The following ATF2 variants were observed in gnomAD, a reference collection of about 807,000 sequenced individuals.
ATF2 encodes the protein cyclic AMP-dependent transcription factor ATF-2.
Under a neutral mutation model 60.6 loss-of-function variants are expected in ATF2, and 24 were observed. The observed-to-expected ratio is 0.40, with a 90% confidence interval of 0.29 to 0.56. The LOEUF (loss-of-function observed/expected upper bound fraction) is 0.56, where lower values mean the gene tolerates loss of function less well. ATF2 is among the 20% of genes least tolerant of loss of function. The probability of loss-of-function intolerance (pLI) is 0.54; values close to 1 mark genes in which losing one functional copy is unlikely to be tolerated. For synonymous variants in ATF2, 206 were observed against 215.4 expected, an observed-to-expected ratio of 0.96 and a Z score of 0.38; for missense variants, 433 against 607.7, an observed-to-expected ratio of 0.71 and a Z score of 3.02.
chr2:175,121,618 C>T (rs1333892293), intron 4 of ATF2, 78 bp from the exon 5 acceptor site: 1 of 1,134,766 alleles, frequency 8.8e-7, no homozygotes, highest in Non-Finnish European at 1.3e-6. Flanking sequence ...AATTAATTTC[C>T]ACAACATGTA....
chr2:175,074,650 C>T lies in ATF2; in HGVS notation c.1477G>A (p.Val493Ile), dbSNP rs760104049. 2.5e-6 allele frequency: 4 copies of T among 1,613,066 alleles called. No homozygotes were observed. The highest frequency in any genetic ancestry group is 1.7e-5 in the Admixed American group (1 of 59,826). The part of the protein sequence containing the change: ...QSTEPALSQI[V>I]MAPSSQSQPS... ...TGTGACTGGGAGGAAGGAGCCATAA[C>T]GATCTGTGAAAGAGCAGGCTCTGTA... Residue 493 changes from valine (V) to isoleucine (I), a missense_variant, in exon 14 of 14, where the codon GTT (valine) becomes ATT (isoleucine). By Grantham distance (29) the Val-to-Ile change is conservative. Coordinates refer to ENST00000264110, the MANE Select transcript of ATF2 (RefSeq NM_001880.4).
chr2:175,130,668 T>C (rs1380119062), intron 3 of ATF2, among the ~76,000 whole-genome samples: 1 of 152,158 alleles, frequency 6.6e-6, no homozygotes, highest in Non-Finnish European at 1.5e-5. Context: ...CATCAACATG[T>C]CTAAAAACAA....
At chr2:175,147,838 AT>A (rs1699052478) in intron 2 of ATF2, 1 of 152,238 alleles carries the variant, frequency 6.6e-6, no homozygotes, top group African/African-American at 2.4e-5. Context: ...AAAAGCATTC[AT>A]ATTCCCCTCT....
At chr2:175,140,095 A>G (rs950834184) in intron 2 of ATF2, among the ~76,000 whole-genome samples, 4 of 152,250 alleles carry the variant, frequency 2.6e-5, no homozygotes, top group Non-Finnish European at 5.9e-5. Context: ...CTTTAATTTC[A>G]TAGAGGTAAC....
In ATF2 at chr2:175,111,651, C is replaced by T. The variant is rs762044358; in HGVS notation, c.745G>A (p.Val249Ile). The T allele has an allele frequency of 6.2e-6, 10 of 1,612,844 alleles. No homozygotes were observed. In the South Asian group the frequency reaches 6.6e-5, roughly 11 times the overall value. ...CTAGGCACCATGGTGACTGGTCGAACGAGCTATGCATGACATAAGGAAAAA... is the reference window on the plus strand; with the variant it reads ...CTAGGCACCATGGTGACTGGTCGAATGAGCTATGCATGACATAAGGAAAAA... Reference protein sequence around the residue: ...NVHVPAAVPLVRPVTMVPSVP... With the variant: ...NVHVPAAVPLIRPVTMVPSVP... Residue 249 changes from valine (V) to isoleucine (I), a missense_variant, in exon 10 of 14, where the codon GTT becomes ATT. Val to Ile is a conservative substitution (Grantham distance 29). This residue lies in a region of ATF2 where 246 missense variants were observed against 309.3 expected (regional missense o/e 0.80). Coordinates refer to ENST00000264110, the MANE Select transcript of ATF2 (RefSeq NM_001880.4).
At chr2:175,098,919 C>T (rs1695123819) in intron 10 of ATF2, among the ~76,000 whole-genome samples, 2 of 152,142 alleles carry the variant, frequency 1.3e-5, no homozygotes, top group African/African-American at 4.8e-5. Context: ...ACCGGAATTT[C>T]AACTGAGGCA....
intron 8 of ATF2, 193 bp from the exon 9 acceptor site, chr2:175,114,301 A>C (rs1185778095): frequency 2.3e-6 from 3 of 1,313,540 alleles, no homozygotes; most frequent in East Asian, 3.1e-5. Flanking sequence ...AGTATTGAAA[A>C]GAAGAGAAAA....
intron 12 of ATF2, among the ~76,000 whole-genome samples, chr2:175,084,641 TA>T (rs111833261): frequency 0.024 from 2,211 of 91,518 alleles, 17 homozygotes; most frequent in African/African-American, 0.041. Context: ...ACTTAAAGTA[TA>T]AAAAAAAAAA....
chr2:175,150,372 G>T (rs549351502), intron 2 of ATF2, among the ~76,000 whole-genome samples: 6 of 151,992 alleles, frequency 3.9e-5, no homozygotes, highest in Admixed American at 3.3e-4. Context: ...GATTTTGTAC[G>T]CCAGACTACA....
chr2:175,086,523 A>G (rs1425381270), intron 12 of ATF2, among the ~76,000 whole-genome samples: 3 of 152,174 alleles, frequency 2.0e-5, no homozygotes, highest in Non-Finnish European at 4.4e-5. Flanking sequence ...TTATAACTGA[A>G]TTAGTTAGAA....
intron 4 of ATF2, among the ~76,000 whole-genome samples, chr2:175,127,632 T>C (rs1019894735): frequency 2.0e-5 from 3 of 152,200 alleles, no homozygotes; most frequent in African/African-American, 7.2e-5. Flanking sequence ...GGTCATTATA[T>C]GCTCCAGCCA....
chr2:175,136,265 G>A (rs1423539153), intron 3 of ATF2, 147 bp downstream of exon 3: 3 of 733,706 alleles, frequency 4.1e-6, no homozygotes, highest in Non-Finnish European at 7.2e-6. Context: ...CAAAATAGGA[G>A]TATCAGCTAA....
At chr2:175,154,778 A>T (rs547628983) in intron 1 of ATF2, among the ~76,000 whole-genome samples, 55 of 152,312 alleles carry the variant, frequency 3.6e-4, no homozygotes, top group South Asian at 1.0e-3. Flanking sequence ...CTATATTTGG[A>T]TATCACTAAC....
At chr2:175,164,423 A>T (rs1700220301) in intron 1 of ATF2, among the ~76,000 whole-genome samples, 1 of 152,128 alleles carries the variant, frequency 6.6e-6, no homozygotes. Context: ...AATCCTAGTT[A>T]TTCGGGAGGC....
At chr2:175,091,599 C>T (rs1254239733) in intron 12 of ATF2, among the ~76,000 whole-genome samples, 1 of 152,160 alleles carries the variant, frequency 6.6e-6, no homozygotes, top group East Asian at 1.9e-4. Context: ...CACAGTGGCT[C>T]ACGCCTGTAA....
intron 4 of ATF2, among the ~76,000 whole-genome samples, chr2:175,124,501 T>C (rs1489146945): frequency 6.6e-6 from 1 of 151,986 alleles, no homozygotes; most frequent in African/African-American, 2.4e-5. Flanking sequence ...AGTTAATACA[T>C]ACACTCATAT....
chr2:175,147,688 T>G (rs1381831292), intron 2 of ATF2, among the ~76,000 whole-genome samples: 1 of 152,194 alleles, frequency 6.6e-6, no homozygotes, highest in Admixed American at 6.5e-5. Context: ...ATGGTTTTTA[T>G]GAAAATACAT....
At chr2:175,084,499 TGGGGGGA>T (rs1694007817) in intron 12 of ATF2, among the ~76,000 whole-genome samples, 1 of 38,620 alleles carries the variant, frequency 2.6e-5, no homozygotes, top group Non-Finnish European at 4.5e-5. Context: ...TGTTGTGGGG[TGGGGGGA>T]GGGGGGAGGG....
chr2:175,158,603 G>A (rs1334276745), intron 1 of ATF2, among the ~76,000 whole-genome samples: 3 of 152,088 alleles, frequency 2.0e-5, no homozygotes, highest in African/African-American at 4.8e-5. Context: ...ACTGGAAACT[G>A]AGGTCATCTC....
Sources: gnomAD v4.1 joint callset for allele counts (sites outside exome capture counted in the v4.1 genomes callset) on GRCh38, gnomAD v4.1.1 for gene constraint, gnomAD v4.1.1 regional missense constraint, MANE v1.5 for transcripts, NCBI Gene and HGNC (gene_info 2026-07-23, HGNC 2026-07-21) for gene names.